The following NAALADL2 variants were observed in gnomAD, a reference collection of about 807,000 sequenced individuals.
The protein encoded by NAALADL2 is inactive N-acetylated-alpha-linked acidic dipeptidase-like protein 2.
NAALADL2 carries 76 observed loss-of-function variants against 87.2 expected under a neutral mutation model. That is an observed-to-expected ratio of 0.87 (90% confidence interval 0.72 to 1.05). NAALADL2 has a LOEUF of 1.05. Ranked by LOEUF, NAALADL2 falls within the 50% of genes least tolerant of loss-of-function variation. NAALADL2 has a pLI of 0.00. For missense variants in NAALADL2, 1,089 were observed against 945.8 expected (o/e 1.15, Z -1.99); for synonymous variants, 354 against 331.0 (o/e 1.07, Z -0.75).
At position 175,786,278 on chromosome 3, in the gene NAALADL2, T is replaced by G. The variant is rs1344696488; in HGVS notation, c.2190-16727T>G. ...GCTAGATTGGGGAAGTTCTCCTGGA[T>G]AATATCCTGCAAAGTGTTTTCCAAC... is the stretch of plus-strand genomic sequence containing the variant. On this transcript the variant is annotated intron_variant, in intron 13 of 13. Coordinates refer to ENST00000454872, the MANE Select transcript of NAALADL2 (RefSeq NM_207015.3). 6.9e-4 allele frequency among the ~76,000 whole-genome samples: 105 copies of G among 152,292 alleles called. 1 individual carries two copies. The highest frequency in any genetic ancestry group is 2.1e-3 in the South Asian group (10 of 4,826).
At chr3:174,955,995 C>T (rs537757132) in intron 1 of NAALADL2, among the ~76,000 whole-genome samples, 2 of 152,036 alleles carry the variant, frequency 1.3e-5, no homozygotes, top group South Asian at 2.1e-4. Context: ...TTTGTAATTT[C>T]ACTTAAGTCA....
In NAALADL2 at chr3:174,657,926, A is replaced by G. The variant is rs576681400; in HGVS notation, c.-114-79715A>G. ...GGCTTCCTTCACTTAATATGCATTTACATTTCCTCCATGTATTTTCATAGC... is the reference window on the plus strand; with the variant it reads ...GGCTTCCTTCACTTAATATGCATTTGCATTTCCTCCATGTATTTTCATAGC... On this transcript the variant is annotated intron_variant, in intron 2 of 3. Transcript: ENST00000434257. 1.1e-4 allele frequency among the ~76,000 whole-genome samples: 16 copies of G among 152,266 alleles called. No homozygotes were observed. The East Asian group carries it at 3.1e-3, about 29-fold the overall frequency.
At chr3:174,925,393 T>C (rs1735860567) in intron 1 of NAALADL2, among the ~76,000 whole-genome samples, 1 of 152,220 alleles carries the variant, frequency 6.6e-6, no homozygotes, top group Admixed American at 6.5e-5. Context: ...ATGTGTGGTA[T>C]TATTTCTGAG....
intron 3 of NAALADL2, among the ~76,000 whole-genome samples, chr3:174,845,752 G>C (rs1724550769): frequency 6.6e-6 from 1 of 152,124 alleles, no homozygotes; most frequent in Admixed American, 6.5e-5. Context: ...CTGTTTTTCT[G>C]GGGGATAGGG....
rs191325585 is a variant in NAALADL2, at chr3:175,310,314, T to C, written c.940-13861T>C. ...TTACAAAGTCATTGAACATCAAATATACATTTAGTCACCATTTTTTTTTCT... is the reference window on the plus strand; with the variant it reads ...TTACAAAGTCATTGAACATCAAATACACATTTAGTCACCATTTTTTTTTCT... On this transcript the variant is annotated intron_variant, in intron 4 of 13. Coordinates refer to ENST00000454872, the MANE Select transcript of NAALADL2 (RefSeq NM_207015.3). Among the ~76,000 whole-genome samples, 707 of 150,470 alleles carry C rather than the reference T, an allele frequency of 4.7e-3. 5 individuals are homozygous for C. Among genetic ancestry groups the C allele is most frequent in the Non-Finnish European group, 7.8e-3 (527 of 67,986 alleles).
chr3:175,060,472 C>G (rs1404662313), intron 1 of NAALADL2, among the ~76,000 whole-genome samples: 2 of 152,144 alleles, frequency 1.3e-5, no homozygotes, highest in Non-Finnish European at 2.9e-5. Flanking sequence ...GACGGATAGG[C>G]ATTGTTTTAA....
chr3:174,486,226 T>A (rs1452884420), intron 1 of NAALADL2, among the ~76,000 whole-genome samples: 3 of 152,052 alleles, frequency 2.0e-5, no homozygotes, highest in African/African-American at 7.2e-5. Flanking sequence ...GAGGTTAGGC[T>A]CTGGTTAAAT....
intron 11 of NAALADL2, among the ~76,000 whole-genome samples, chr3:175,639,762 A>G (rs1729048448): frequency 6.6e-6 from 1 of 152,200 alleles, no homozygotes; most frequent in African/African-American, 2.4e-5. Flanking sequence ...TAAAATCCTG[A>G]ATAGGAACAT....
chr3:174,741,379 G>T (rs998675545), intron 3 of NAALADL2, among the ~76,000 whole-genome samples: 2 of 151,502 alleles, frequency 1.3e-5, no homozygotes, highest in Non-Finnish European at 3.0e-5. Context: ...TTTGGCTTCA[G>T]TTACATAATG....
At chr3:174,743,652 T>C (rs914882256) in intron 3 of NAALADL2, among the ~76,000 whole-genome samples, 7 of 151,854 alleles carry the variant, frequency 4.6e-5, no homozygotes, top group Non-Finnish European at 1.0e-4. Context: ...TAATATTTTC[T>C]TCATTATTAT....
At chr3:175,640,407 A>C (rs146577090) in intron 11 of NAALADL2, among the ~76,000 whole-genome samples, 78 of 152,290 alleles carry the variant, frequency 5.1e-4, no homozygotes, top group Admixed American at 2.2e-3. Context: ...AATGAGGAGG[A>C]AAGAACTAAT....
intron 1 of NAALADL2, among the ~76,000 whole-genome samples, chr3:174,889,353 T>G (rs1730588089): frequency 6.6e-6 from 1 of 152,210 alleles, no homozygotes; most frequent in Non-Finnish European, 1.5e-5. Context: ...TGCTTCTCTT[T>G]TCTTTTTCTT....
rs867792650 is a variant in NAALADL2 at position 174,816,423 on chromosome 3, T to C, written c.-9+78677T>C. 2.6e-3 allele frequency among the ~76,000 whole-genome samples: 386 copies of C among 150,800 alleles called. 2 individuals are homozygous for C. Among genetic ancestry groups the C allele is most frequent in the African/African-American group, 9.0e-3 (371 of 41,240 alleles). ...GTGTGTATGTGTGTGCGTGTGTGTGTGTGTGTGTATCTCAGTATGAGAGAC... is the reference window on the plus strand; with the variant it reads ...GTGTGTATGTGTGTGCGTGTGTGTGCGTGTGTGTATCTCAGTATGAGAGAC... On this transcript the variant is annotated intron_variant, in intron 3 of 3. Coordinates refer to the NAALADL2 transcript ENST00000434257.
chr3:175,627,989 G>A (rs1365778016), intron 11 of NAALADL2, among the ~76,000 whole-genome samples: 1 of 151,582 alleles, frequency 6.6e-6, no homozygotes. Context: ...TTTTTAAAAT[G>A]AAAAAGACCG....
intron 6 of NAALADL2, among the ~76,000 whole-genome samples, chr3:175,458,139 C>T (rs1037893586): frequency 2.6e-5 from 4 of 152,076 alleles, no homozygotes; most frequent in African/African-American, 7.2e-5. Flanking sequence ...TTTCCTGTGC[C>T]AGCTGTTATC....
intron 2 of NAALADL2, among the ~76,000 whole-genome samples, chr3:174,613,168 C>A (rs1237613283): frequency 1.3e-5 from 2 of 152,192 alleles, no homozygotes; most frequent in Non-Finnish European, 2.9e-5. Context: ...TTCTGAGCTG[C>A]CTGGAGCTGG....
At chr3:175,313,366 T>A (rs1164074413) in intron 4 of NAALADL2, among the ~76,000 whole-genome samples, 1 of 152,208 alleles carries the variant, frequency 6.6e-6, no homozygotes, top group Non-Finnish European at 1.5e-5. Context: ...TTACTCTTCT[T>A]ATCTACATGA....
At chr3:175,148,971 T>G (rs1446555760) in intron 2 of NAALADL2, among the ~76,000 whole-genome samples, 2 of 152,224 alleles carry the variant, frequency 1.3e-5, no homozygotes, top group Non-Finnish European at 2.9e-5. Flanking sequence ...AAAATGTTTT[T>G]CTAATTCTGT....
At chr3:175,344,954 C>T (rs746075424) in intron 5 of NAALADL2, among the ~76,000 whole-genome samples, 7 of 151,862 alleles carry the variant, frequency 4.6e-5, no homozygotes, top group Admixed American at 1.3e-4. Context: ...GAAACTAGAA[C>T]AAAAACATGT....
Sources: allele counts gnomAD v4.1 joint callset (sites outside exome capture counted in the v4.1 genomes callset), GRCh38; gene constraint gnomAD v4.1.1; transcripts MANE v1.5; gene names NCBI Gene and HGNC (gene_info 2026-07-23, HGNC 2026-07-21).